The following FOXO3 variants were observed in gnomAD, a reference collection of about 807,000 sequenced individuals.
FOXO3 encodes the protein forkhead box O3, also known as forkhead box protein O3.
In FOXO3, 4 loss-of-function variants were observed where a neutral mutation model predicts 41.9. The ratio of observed to expected loss-of-function variants is 0.10; its 90% CI spans 0.05 to 0.22. The LOEUF (loss-of-function observed/expected upper bound fraction) is 0.22. Among genes scored for constraint, FOXO3 ranks in the 10% least tolerant of loss-of-function variants. FOXO3 has a pLI of 1.00. For missense variants in FOXO3, 534 were observed against 906.8 expected (o/e 0.59, Z 5.28); for synonymous variants, 318 against 389.3 (o/e 0.82, Z 2.16).
chr6:108,673,758 C>T (rs1014047688), intron 2 of FOXO3, among the ~76,000 whole-genome samples: 1 of 152,136 alleles, frequency 6.6e-6, no homozygotes, highest in African/African-American at 2.4e-5. Context: ...CCCTGCCCCG[C>T]CCCCCACATA....
At position 108,682,472 on chromosome 6, in the gene FOXO3, G is replaced by C. The variant is rs1450224867; in HGVS notation, c.*2680G>C. ...AGAGCTGAGACCAGGGTAAAGTCAA[G>C]TGCAGCATCAGTACTGCGAGACCCA... On this transcript the variant is annotated 3_prime_UTR_variant, in exon 3 of 3. Transcript: ENST00000406360. The C allele has an allele frequency of 6.6e-6, 1 of 152,270 alleles. No individual in the cohort carries two copies. The highest frequency in any genetic ancestry group is 2.4e-5 in the African/African-American group (1 of 41,452). 9.4% of individuals were successfully genotyped at this position (152,270 alleles called of 1,614,324 possible).
intron 1 of FOXO3, among the ~76,000 whole-genome samples, chr6:108,628,009 A>G (rs1466167641): frequency 6.6e-6 from 1 of 152,150 alleles, no homozygotes; most frequent in Non-Finnish European, 1.5e-5. Context: ...TATAATTATT[A>G]TTTTGGAGAT....
chr6:108,671,448 A>G (rs1010258346), intron 2 of FOXO3, among the ~76,000 whole-genome samples: 1 of 152,134 alleles, frequency 6.6e-6, no homozygotes, highest in African/African-American at 2.4e-5. Context: ...GAGCTGTGGG[A>G]CTTGCAGCAG....
At chr6:108,608,296 C>A (rs931900997) in intron 1 of FOXO3, among the ~76,000 whole-genome samples, 1 of 152,182 alleles carries the variant, frequency 6.6e-6, no homozygotes, top group African/African-American at 2.4e-5. Context: ...AATTAAGTGA[C>A]GCTCTCACTT....
At chr6:108,570,696 A>G (rs554307516) in intron 1 of FOXO3, among the ~76,000 whole-genome samples, 25 of 152,328 alleles carry the variant, frequency 1.6e-4, no homozygotes, top group African/African-American at 5.5e-4. Context: ...AATTTACTTT[A>G]AATTCAGAGC....
At position 108,561,774 on chromosome 6, in the gene FOXO3, G is replaced by A. The variant is rs747929839; in HGVS notation, c.566G>A (p.Arg189His). The change falls in exon 1 of 3, where the codon CGT (arginine) becomes CAT (histidine). Residue 189 changes from arginine (R) to histidine (H), a missense_variant. By Grantham distance (29) the Arg-to-His change is conservative. Coordinates refer to ENST00000406360, the MANE Select transcript of FOXO3 (RefSeq NM_001455.4). ...TCCCAGATCTACGAGTGGATGGTGCGTTGCGTGCCCTACTTCAAGGATAAG... is the reference window on the plus strand; with the variant it reads ...TCCCAGATCTACGAGTGGATGGTGCATTGCGTGCCCTACTTCAAGGATAAG... ...TLSQIYEWMV[R>H]CVPYFKDKGD... The A allele has an allele frequency of 1.1e-4, 178 of 1,601,284 alleles. No individual in the cohort carries two copies. Among genetic ancestry groups the A allele is most frequent in the Non-Finnish European group, 1.5e-4 (176 of 1,174,916 alleles).
At chr6:108,642,771 A>G (rs935985209) in intron 1 of FOXO3, among the ~76,000 whole-genome samples, 4 of 152,204 alleles carry the variant, frequency 2.6e-5, no homozygotes, top group Non-Finnish European at 4.4e-5. Context: ...TTACTTTAAT[A>G]CTATCACTGA....
intron 1 of FOXO3, among the ~76,000 whole-genome samples, chr6:108,604,559 G>A (rs1198688751): frequency 6.6e-6 from 1 of 152,090 alleles, no homozygotes; most frequent in Non-Finnish European, 1.5e-5. Context: ...TAATCAGTTT[G>A]CTTTCTTGTT....
intron 1 of FOXO3, among the ~76,000 whole-genome samples, chr6:108,642,760 ATTACT>A (rs1387675336): frequency 2.0e-5 from 3 of 152,198 alleles, no homozygotes; most frequent in African/African-American, 7.2e-5. Flanking sequence ...TGCCCTCTAA[ATTACT>A]TTAATACTAT....
At chr6:108,570,367 G>A (rs1776065296) in intron 1 of FOXO3, among the ~76,000 whole-genome samples, 1 of 152,074 alleles carries the variant, frequency 6.6e-6, no homozygotes, top group Admixed American at 6.5e-5. Context: ...AGGCTGGAGT[G>A]CGGTGGCACA....
intron 1 of FOXO3, among the ~76,000 whole-genome samples, chr6:108,597,192 G>C (rs966981341): frequency 6.6e-6 from 1 of 152,214 alleles, no homozygotes; most frequent in African/African-American, 2.4e-5. Context: ...CATCAGCTCA[G>C]AGGTTGTATA....
chr6:108,589,261 G>A (rs1265837776), intron 1 of FOXO3, among the ~76,000 whole-genome samples: 1 of 152,166 alleles, frequency 6.6e-6, no homozygotes, highest in Non-Finnish European at 1.5e-5. Context: ...AATTTTTCCT[G>A]GGCACACGCA....
intron 1 of FOXO3, among the ~76,000 whole-genome samples, chr6:108,604,025 T>C (rs985606959): frequency 6.6e-6 from 1 of 152,176 alleles, no homozygotes; most frequent in African/African-American, 2.4e-5. Flanking sequence ...AATAATATGG[T>C]ATTGAGGATG....
chr6:108,622,145 G>T (rs1180374528), intron 1 of FOXO3, among the ~76,000 whole-genome samples: 1 of 151,264 alleles, frequency 6.6e-6, no homozygotes, highest in Non-Finnish European at 1.5e-5. Flanking sequence ...TGTCATCCCA[G>T]CCACTTGCGA....
rs183842841 is a variant in FOXO3 at position 108,683,949 on chromosome 6, G to A, written c.*4157G>A. 2.2e-4 allele frequency: 33 copies of A among 152,752 alleles called. No individual in the cohort carries two copies. Among genetic ancestry groups the A allele is most frequent in the African/African-American group, 7.2e-4 (30 of 41,580 alleles). The allele number at this position is 152,752 out of a possible 1,614,324, so 9.5% of individuals were successfully genotyped here. ...GATGGAATCATGCCTGTCAAATGAGGTCTTGAAGCGGATGCCCAAATAAAA... is the reference window on the plus strand; with the variant it reads ...GATGGAATCATGCCTGTCAAATGAGATCTTGAAGCGGATGCCCAAATAAAA... On this transcript the variant is annotated 3_prime_UTR_variant, in exon 3 of 3. Coordinates refer to ENST00000406360, the MANE Select transcript of FOXO3 (RefSeq NM_001455.4).
chr6:108,614,185 T>C (rs995834461), intron 1 of FOXO3, among the ~76,000 whole-genome samples: 4 of 152,136 alleles, frequency 2.6e-5, no homozygotes, highest in African/African-American at 9.6e-5. Context: ...TCTGCTGTTT[T>C]GGGTGATTTG....
chr6:108,634,071 A>G (rs1295764836), intron 1 of FOXO3, among the ~76,000 whole-genome samples: 2 of 152,162 alleles, frequency 1.3e-5, no homozygotes, highest in Admixed American at 1.3e-4. Context: ...TCTGGGTCCA[A>G]TATGTGGTTT....
At chr6:108,647,184 T>C (rs1051366470) in intron 1 of FOXO3, among the ~76,000 whole-genome samples, 1 of 152,240 alleles carries the variant, frequency 6.6e-6, no homozygotes, top group Non-Finnish European at 1.5e-5. Flanking sequence ...AATACCTCAC[T>C]GTAGCTTAAA....
At position 108,663,800 on chromosome 6, in the gene FOXO3, C is replaced by A. The variant is rs145756480; in HGVS notation, c.967C>A (p.Arg323Ser). The change falls in exon 2 of 3, where the codon CGC (arginine) becomes AGC (serine). Residue 323 changes from arginine to serine, a missense_variant. This residue lies in a region of FOXO3 where 185 missense variants were observed against 224.9 expected (regional missense o/e 0.82). Transcript: ENST00000406360. Reference sequence around the variant, plus strand: ...TTCTAACGCCAGCACAGTCAGTGGCCGCCTGTCGCCCATCATGGCAAGCAC... The same window carrying A: ...TTCTAACGCCAGCACAGTCAGTGGCAGCCTGTCGCCCATCATGGCAAGCAC... ...TNSNASTVSG[R>S]LSPIMASTEL... The A allele has an allele frequency of 1.2e-6, 2 of 1,613,822 alleles. No individual in the cohort carries two copies. Among genetic ancestry groups the A allele is most frequent in the Admixed American group, 1.7e-5 (1 of 59,996 alleles).
Sources: allele counts gnomAD v4.1 joint callset (sites outside exome capture counted in the v4.1 genomes callset), GRCh38; gene constraint gnomAD v4.1.1; regional missense constraint gnomAD v4.1.1; transcripts MANE v1.5; gene names NCBI Gene and HGNC (gene_info 2026-07-23, HGNC 2026-07-21).